Variants in NXNL2 observed in about 807,000 individuals in gnomAD.
NXNL2 encodes the protein nucleoredoxin-like protein 2.
NXNL2 carries 7 observed loss-of-function variants against 11.1 expected under a neutral mutation model. The observed-to-expected ratio is 0.63, with a 90% CI of 0.36 to 1.18. NXNL2 has a LOEUF of 1.18. Among genes scored for constraint, NXNL2 ranks in the 50% most tolerant of loss-of-function variants. NXNL2 has a pLI of 0.02. For missense variants in NXNL2, 233 were observed against 217.7 expected, an observed-to-expected ratio of 1.07 and a Z score of -0.44; for synonymous variants, 109 against 101.8, an observed-to-expected ratio of 1.07 and a Z score of -0.42.
At chr9:88,552,373 T>C (rs1330260728) in intron 1 of NXNL2, among the ~76,000 whole-genome samples, 1 of 152,244 alleles carries the variant, frequency 6.6e-6, no homozygotes, top group Admixed American at 6.5e-5. Flanking sequence ...GTTAATTTTA[T>C]GTTTGTAATT....
downstream of NXNL2, among the ~76,000 whole-genome samples, chr9:88,547,469 C>T (rs969139004): frequency 5.9e-5 from 9 of 152,134 alleles, no homozygotes; most frequent in African/African-American, 2.2e-4. Flanking sequence ...CACAGACATT[C>T]CTAGAGAAAG....
chr9:88,566,226 C>T (rs1830168905), intron 1 of NXNL2, among the ~76,000 whole-genome samples: 1 of 151,594 alleles, frequency 6.6e-6, no homozygotes, highest in Admixed American at 6.6e-5. Context: ...CCTTAGTTAT[C>T]TGTGCTTTTA....
intron 1 of NXNL2, among the ~76,000 whole-genome samples, chr9:88,564,082 G>A (rs1364271321): frequency 1.3e-5 from 2 of 151,836 alleles, no homozygotes; most frequent in African/African-American, 4.8e-5. Flanking sequence ...GTGGTGGCAT[G>A]TGTCTGTAAT....
chr9:88,556,942 G>T (rs1206951949), intron 1 of NXNL2, among the ~76,000 whole-genome samples: 3 of 151,896 alleles, frequency 2.0e-5, no homozygotes, highest in African/African-American at 7.3e-5. Context: ...TTAGCTGGTT[G>T]TGGTTGCAGA....
At chr9:88,571,602 G>A (rs1176944496) in intron 2 of NXNL2, among the ~76,000 whole-genome samples, 2 of 152,166 alleles carry the variant, frequency 1.3e-5, no homozygotes, top group Admixed American at 6.5e-5. Flanking sequence ...GAGTGGGCAG[G>A]GAATCTTGTG....
In NXNL2 at chr9:88,535,621, G is replaced by C. The variant is rs1437714533; in HGVS notation, c.187G>C (p.Ala63Pro). The stretch of plus-strand genomic sequence containing the variant: ...GCTGGTGGCCGAGGCGCGGCGGCCC[G>C]CGCCCTTCGAAGTGGTCTTCGTGTC... The part of the protein sequence containing the change: ...TALVAEARRP[A>P]PFEVVFVSAD... The change falls in exon 1 of 2, where the codon GCG (alanine) becomes CCG (proline). Residue 63 changes from alanine (A) to proline (P), a missense_variant. Physicochemically the swap from Ala to Pro is conservative, Grantham distance 27. Coordinates refer to ENST00000375854, the MANE Select transcript of NXNL2 (RefSeq NM_001161625.2). 3 of 1,608,572 alleles carry C rather than the reference G, an allele frequency of 1.9e-6. No homozygotes were observed. Among genetic ancestry groups the C allele is most frequent in the Non-Finnish European group, 2.5e-6 (3 of 1,179,324 alleles).
downstream of NXNL2, among the ~76,000 whole-genome samples, chr9:88,578,636 C>T (rs1383077816): frequency 6.6e-6 from 1 of 152,218 alleles, no homozygotes; most frequent in Non-Finnish European, 1.5e-5. Flanking sequence ...AGCCGCCGGC[C>T]CGGCCTACCA....
chr9:88,542,866 T>G (rs982206868), intron 1 of NXNL2, among the ~76,000 whole-genome samples: 6 of 151,712 alleles, frequency 4.0e-5, no homozygotes, highest in African/African-American at 1.5e-4. Flanking sequence ...AAAGGGGAGA[T>G]TTGCTAATAG....
intron 1 of NXNL2, among the ~76,000 whole-genome samples, chr9:88,568,596 T>C (rs1233289289): frequency 6.6e-6 from 1 of 152,268 alleles, no homozygotes; most frequent in Non-Finnish European, 1.5e-5. Context: ...TTCTGGTCTT[T>C]CCAAGTAGTC....
chr9:88,558,811 G>A (rs906789948), intron 1 of NXNL2, among the ~76,000 whole-genome samples: 6 of 152,036 alleles, frequency 3.9e-5, no homozygotes, highest in African/African-American at 1.5e-4. Flanking sequence ...GAGTGGTAGT[G>A]AGAATAGGAG....
In NXNL2 at chr9:88,535,749, C is replaced by A. The variant is rs776456326; in HGVS notation, c.302+13C>A. 1.4e-5 allele frequency: 21 copies of A among 1,538,102 alleles called. No homozygotes were observed. The highest frequency in any genetic ancestry group is 1.8e-5 in the Non-Finnish European group (21 of 1,152,828). On this transcript the variant is annotated intron_variant, in intron 1 of 1. Transcript: ENST00000375854. ...ACCCCTACCGGCAGTGAGTGGGGGTCCTGGGGGGGCGGGGGCCGCCCGGCA... is the reference window on the plus strand; with the variant it reads ...ACCCCTACCGGCAGTGAGTGGGGGTACTGGGGGGGCGGGGGCCGCCCGGCA...
At chr9:88,542,732 T>G (rs1448419529) in intron 1 of NXNL2, among the ~76,000 whole-genome samples, 1 of 152,250 alleles carries the variant, frequency 6.6e-6, no homozygotes, top group Non-Finnish European at 1.5e-5. Context: ...TCATAGATGT[T>G]TGGAAATAAA....
chr9:88,571,213 G>A (rs1185221740), intron 2 of NXNL2: 5 of 253,370 alleles, frequency 2.0e-5, no homozygotes, highest in African/African-American at 4.7e-5. Flanking sequence ...CTACAGGTGC[G>A]TGCCACCATG....
chr9:88,547,054 C>T (rs1829855277), downstream of NXNL2, among the ~76,000 whole-genome samples: 1 of 152,218 alleles, frequency 6.6e-6, no homozygotes, highest in South Asian at 2.1e-4. Flanking sequence ...ATGTGGGCAC[C>T]ATGGGGCAGG....
chr9:88,545,366 T>C (rs1020220340), downstream of NXNL2, among the ~76,000 whole-genome samples: 4 of 152,182 alleles, frequency 2.6e-5, no homozygotes, highest in African/African-American at 4.8e-5. Context: ...CTCATTCTTA[T>C]CCAATCAGCT....
At chr9:88,562,299 G>A (rs1224754044) in intron 1 of NXNL2, among the ~76,000 whole-genome samples, 2 of 152,130 alleles carry the variant, frequency 1.3e-5, no homozygotes, top group Non-Finnish European at 2.9e-5. Context: ...AATGCAAAGG[G>A]CACCCAAGGG....
At chr9:88,563,919 C>T (rs1182921187) in intron 1 of NXNL2, among the ~76,000 whole-genome samples, 1 of 152,006 alleles carries the variant, frequency 6.6e-6, no homozygotes, top group African/African-American at 2.4e-5. Flanking sequence ...TTCATCAAAG[C>T]CCTTCTCTGG....
chr9:88,549,194 T>C (rs1287979709), downstream of NXNL2, among the ~76,000 whole-genome samples: 4 of 152,148 alleles, frequency 2.6e-5, no homozygotes, highest in Non-Finnish European at 5.9e-5. Context: ...CATTGGTCTG[T>C]CCCTTCTATC....
chr9:88,542,257 AAAAC>A (rs1021757195), intron 1 of NXNL2, among the ~76,000 whole-genome samples: 13 of 151,810 alleles, frequency 8.6e-5, no homozygotes, highest in Non-Finnish European at 1.6e-4. Flanking sequence ...CAAAAAACAA[AAAAC>A]AAACGAACGA....
Sources: gnomAD v4.1 joint callset for allele counts (sites outside exome capture counted in the v4.1 genomes callset) on GRCh38, gnomAD v4.1.1 for gene constraint, MANE v1.5 for transcripts, NCBI Gene and HGNC (gene_info 2026-07-23, HGNC 2026-07-21) for gene names.